CFAP52: variants seen among roughly 807,000 people sequenced by gnomAD.
The protein encoded by CFAP52 is cilia- and flagella-associated protein 52.
In CFAP52, 57 loss-of-function variants were observed where a neutral mutation model predicts 70.5. That is an observed-to-expected ratio of 0.81 (90% CI 0.65 to 1.01). The LOEUF is 1.01. Ranked by LOEUF, CFAP52 falls within the 50% of genes least tolerant of loss-of-function variation. CFAP52 has a pLI of 0.00. For missense variants in CFAP52, 785 were observed against 788.5 expected (o/e 1.00, Z 0.05); for synonymous variants, 267 against 292.5 (o/e 0.91, Z 0.89).
At chr17:9,608,741 A>T (rs1253840911) in intron 7 of CFAP52, among the ~76,000 whole-genome samples, 1 of 152,230 alleles carries the variant, frequency 6.6e-6, no homozygotes. Context: ...AATAAAATGA[A>T]ACAAAACCTT....
rs182215122 is a variant in CFAP52 at position 9,641,749 on chromosome 17, G to C, written c.1601G>C (p.Gly534Ala). ...ATTGCTTACTGGGAAGTATTTGATGGGACAGTAATCAGAGAATTGGAAGGT... is the reference window on the plus strand; with the variant it reads ...ATTGCTTACTGGGAAGTATTTGATGCGACAGTAATCAGAGAATTGGAAGGT... ...RKIAYWEVFD[G>A]TVIRELEGSL... Residue 534 changes from glycine to alanine, a missense_variant, in exon 13 of 14, where the codon GGG becomes GCG. By Grantham distance (60) the Gly-to-Ala change is moderately conservative. Coordinates refer to ENST00000352665, the MANE Select transcript of CFAP52 (RefSeq NM_145054.5). 18 of 1,613,686 alleles carry C rather than the reference G, an allele frequency of 1.1e-5. No individual in the cohort carries two copies. The Admixed American group carries it at 2.3e-4, about 21-fold the overall frequency.
At chr17:9,633,538 A>G (rs1910645708) in intron 10 of CFAP52, among the ~76,000 whole-genome samples, 1 of 152,092 alleles carries the variant, frequency 6.6e-6, no homozygotes, top group Non-Finnish European at 1.5e-5. Context: ...TTGTACACAG[A>G]AAGGACGTTT....
intron 8 of CFAP52, among the ~76,000 whole-genome samples, chr17:9,615,547 G>C (rs1386113578): frequency 6.6e-6 from 1 of 151,656 alleles, no homozygotes; most frequent in Non-Finnish European, 1.5e-5. Context: ...ATTTGGTTCC[G>C]TTTTAACCTT....
At chr17:9,632,112 C>G (rs1339776673) in intron 9 of CFAP52, among the ~76,000 whole-genome samples, 3 of 150,678 alleles carry the variant, frequency 2.0e-5, no homozygotes, top group Non-Finnish European at 4.4e-5. Context: ...GGGTCTTGCT[C>G]TGTTGCCCAG....
At chr17:9,608,302 C>A in intron 7 of CFAP52, 83 bp downstream of exon 7, 2 of 1,129,390 alleles carry the variant, frequency 1.8e-6, no homozygotes, top group South Asian at 2.2e-5. Flanking sequence ...TCGATGATAT[C>A]GGCAAAGTGA....
intron 13 of CFAP52, 29 bp downstream of exon 13, chr17:9,641,864 C>G (rs367753847): frequency 1.3e-6 from 2 of 1,589,364 alleles, no homozygotes; most frequent in African/African-American, 2.7e-5. Context: ...AAAAGCCAAG[C>G]CTGGCTTATT....
intron 4 of CFAP52, among the ~76,000 whole-genome samples, chr17:9,595,082 G>T (rs979399307): frequency 1.3e-5 from 2 of 151,948 alleles, no homozygotes; most frequent in East Asian, 3.9e-4. Context: ...ATAGAGACAG[G>T]GTTTCACCAC....
intron 4 of CFAP52, among the ~76,000 whole-genome samples, chr17:9,597,819 G>T (rs982754271): frequency 6.6e-6 from 1 of 151,070 alleles, no homozygotes. Context: ...GAGAGAGAGA[G>T]AGAGAGAGAG....
intron 11 of CFAP52, 49 bp from the exon 12 acceptor site, chr17:9,638,560 C>T: frequency 1.3e-6 from 2 of 1,573,610 alleles, no homozygotes; most frequent in Non-Finnish European, 1.7e-6. Flanking sequence ...GAATAAATTT[C>T]CTAGGGAAGA....
intron 9 of CFAP52, 32 bp downstream of exon 9, chr17:9,628,852 G>A (rs760630676): frequency 6.2e-7 from 1 of 1,612,724 alleles, no homozygotes; most frequent in South Asian, 1.1e-5. Flanking sequence ...CTGGCTTGGG[G>A]CTCTAGCTGC....
chr17:9,630,586 C>A (rs1242393736), intron 9 of CFAP52, among the ~76,000 whole-genome samples: 1 of 150,374 alleles, frequency 6.7e-6, no homozygotes, highest in Non-Finnish European at 1.5e-5. Context: ...CCCGCTACCA[C>A]GCCCGGCTAA....
intron 5 of CFAP52, among the ~76,000 whole-genome samples, chr17:9,598,871 G>A (rs1031693732): frequency 6.6e-6 from 1 of 151,986 alleles, no homozygotes; most frequent in Non-Finnish European, 1.5e-5. Flanking sequence ...TGGAATCTAG[G>A]CTGTCATCAA....
In CFAP52 at chr17:9,585,811, G is replaced by A. The variant is rs145662842; in HGVS notation, c.109G>A (p.Glu37Lys). 165 of 1,613,926 alleles carry A rather than the reference G, an allele frequency of 1.0e-4. No individual in the cohort carries two copies. The highest frequency in any genetic ancestry group is 1.7e-5 in the Admixed American group (1 of 59,970). Residue 37 changes from glutamate to lysine, a missense_variant, in exon 2 of 14, where the codon GAG becomes AAG. Glu to Lys is a moderately conservative substitution (Grantham distance 56). Coordinates refer to ENST00000352665, the MANE Select transcript of CFAP52 (RefSeq NM_145054.5). Reference protein sequence around the residue: ...PTGLKCHPDQEHMIYPLGCTV... With the variant: ...PTGLKCHPDQKHMIYPLGCTV... ...TGGTCTCAAATGCCATCCTGACCAG[G>A]AGCATATGATTTATCCTCTTGGTTG...
chr17:9,628,876 G>A (rs978073936), intron 9 of CFAP52, 56 bp downstream of exon 9: 6 of 1,608,766 alleles, frequency 3.7e-6, no homozygotes, highest in South Asian at 1.1e-5. Flanking sequence ...TTTGATTCTT[G>A]TCACTCTCCT....
Position 9,622,552 on chromosome 17 carries a change from AAAG to A in CFAP52, c.1026-6100_1026-6098del, listed in dbSNP as rs1555543657. ...TAAGACCCTGTTTCTATTAAAAAAA[AAAG>A]AAGAAGAAGAAGAAGAAGATGATGA... On this transcript the variant is annotated intron_variant, in intron 8 of 13. Coordinates refer to ENST00000352665, the MANE Select transcript of CFAP52 (RefSeq NM_145054.5). Among the ~76,000 whole-genome samples, 104 of 151,484 alleles carry A rather than the reference AAAG, an allele frequency of 6.9e-4. 2 individuals are homozygous for A. In the South Asian group the frequency reaches 0.011, roughly 16 times the overall value.
In CFAP52 at chr17:9,624,558, C is replaced by T. The variant is rs1306607565; in HGVS notation, c.1026-4114C>T. Among the ~76,000 whole-genome samples, 5 of 151,964 alleles carry T rather than the reference C, an allele frequency of 3.3e-5. No individual in the cohort carries two copies. In the East Asian group the frequency reaches 9.6e-4, roughly 29 times the overall value. On this transcript the variant is annotated intron_variant, in intron 8 of 13. Transcript: ENST00000352665. ...CATATATAGTTTCTAGTTCTCTGTT[C>T]AGATTACCTATCTGTTCACTTATTG...
At chr17:9,608,044 G>A in intron 6 of CFAP52, 75 bp from the exon 7 acceptor site, 2 of 1,170,130 alleles carry the variant, frequency 1.7e-6, no homozygotes, top group Non-Finnish European at 2.4e-6. Flanking sequence ...GGTGGTATTT[G>A]GTTACATGAG....
intron 3 of CFAP52, among the ~76,000 whole-genome samples, chr17:9,592,001 T>C (rs1250151132): frequency 1.3e-5 from 2 of 152,222 alleles, no homozygotes; most frequent in Non-Finnish European, 2.9e-5. Context: ...CCCCCTCACC[T>C]TGAAGATTCT....
chr17:9,599,454 G>A (rs1176131897), intron 5 of CFAP52, among the ~76,000 whole-genome samples: 1 of 152,186 alleles, frequency 6.6e-6, no homozygotes, highest in Non-Finnish European at 1.5e-5. Context: ...GCCCTTAAGA[G>A]ATGTCTCAAA....
Sources: allele counts gnomAD v4.1 joint callset (sites outside exome capture counted in the v4.1 genomes callset), GRCh38; gene constraint gnomAD v4.1.1; transcripts MANE v1.5; gene names NCBI Gene and HGNC (gene_info 2026-07-23, HGNC 2026-07-21).